Variants in KAT6A observed in about 807,000 individuals in gnomAD.
KAT6A encodes histone acetyltransferase KAT6A.
KAT6A carries 9 observed loss-of-function variants against 198.4 expected under a neutral mutation model. That is an observed-to-expected ratio of 0.05 (90% CI 0.03 to 0.08). KAT6A has a LOEUF of 0.08. KAT6A is among the 10% of genes least tolerant of loss of function. The pLI is 1.00. For synonymous variants in KAT6A, 890 were observed against 883.0 expected, an observed-to-expected ratio of 1.01 and a Z score of -0.14; for missense variants, 2,077 against 2,509.9, an observed-to-expected ratio of 0.83 and a Z score of 3.69.
At chr8:41,949,598 T>C (rs750717234) in intron 9 of KAT6A, among the ~76,000 whole-genome samples, 1 of 152,242 alleles carries the variant, frequency 6.6e-6, no homozygotes, top group South Asian at 2.1e-4. Context: ...TGCTATCAAT[T>C]TGGATAGTTA....
At chr8:41,953,812 G>A (rs1460416286) in intron 9 of KAT6A, among the ~76,000 whole-genome samples, 1 of 152,158 alleles carries the variant, frequency 6.6e-6, no homozygotes, top group Non-Finnish European at 1.5e-5. Flanking sequence ...GAATTCCTGA[G>A]GAATGAGTTA....
At position 41,942,802 on chromosome 8, in the gene KAT6A, T is replaced by C; in HGVS notation, c.2427A>G (p.Leu809=). 1 of 1,614,176 alleles carries C rather than the reference T, an allele frequency of 6.2e-7. No individual in the cohort carries two copies. ...CTATTCATGCCCTTACACTGATCTC[T>C]AATTCTCTTTCCTGGCACTGTGGCT... ...NEEPQCQERE[L]EISVGKSVSH... is the part of the protein sequence containing the mutation. Residue 809 remains leucine, a synonymous_variant, in exon 14 of 17, where the codon TTA becomes TTG. Coordinates refer to ENST00000265713, the MANE Select transcript of KAT6A (RefSeq NM_006766.5).
chr8:42,014,026 T>C (rs1472177179), intron 2 of KAT6A, among the ~76,000 whole-genome samples: 4 of 152,200 alleles, frequency 2.6e-5, no homozygotes, highest in Admixed American at 6.5e-5. Context: ...TGTGCTCCAA[T>C]ACAACTTTAC....
At chr8:41,988,590 T>C (rs560664638) in intron 2 of KAT6A, among the ~76,000 whole-genome samples, 22 of 152,214 alleles carry the variant, frequency 1.4e-4, no homozygotes, top group Non-Finnish European at 3.1e-4. Flanking sequence ...GTTACAATGA[T>C]CTGGTGAAGA....
At chr8:41,992,298 C>T (rs1824986735) in intron 2 of KAT6A, among the ~76,000 whole-genome samples, 1 of 152,054 alleles carries the variant, frequency 6.6e-6, no homozygotes, top group Non-Finnish European at 1.5e-5. Context: ...AGAATAAGAA[C>T]TAAAGTCACA....
chr8:41,998,682 T>C (rs1271601455), intron 2 of KAT6A, among the ~76,000 whole-genome samples: 1 of 152,142 alleles, frequency 6.6e-6, no homozygotes, highest in Non-Finnish European at 1.5e-5. Flanking sequence ...ACTCAGAGCC[T>C]TTCCTCCTAG....
chr8:42,004,717 G>C (rs933174899), intron 2 of KAT6A, among the ~76,000 whole-genome samples: 1 of 152,138 alleles, frequency 6.6e-6, no homozygotes. Context: ...CCTGAGGTCA[G>C]GAGTTTGAGA....
rs773473964 is a variant in KAT6A, at chr8:42,048,452, C to T, written c.526G>A (p.Val176Met). 8.1e-6 allele frequency: 13 copies of T among 1,614,096 alleles called. No homozygotes were observed. The Admixed American group carries it at 1.2e-4, about 14-fold the overall frequency. The part of the protein sequence containing the change: ...LYRLNTKATN[V>M]DGKESCESLS... ...GACTCACAACTCTCTTTCCCATCCACGTTGGTTGCTTTAGTGTTGAGCCGA... is the reference window on the plus strand; with the variant it reads ...GACTCACAACTCTCTTTCCCATCCATGTTGGTTGCTTTAGTGTTGAGCCGA... Residue 176 changes from valine (V) to methionine (M), a missense_variant, in exon 2 of 17, where the codon GTG (valine) becomes ATG (methionine). Around this residue, in one of 13 missense-constraint regions of KAT6A, gnomAD observed 185 missense variants for 185.7 expected, o/e 1.00. Transcript: ENST00000265713.
intron 5 of KAT6A, 67 bp downstream of exon 5, chr8:41,980,779 G>C (rs565484548): frequency 9.5e-7 from 1 of 1,056,244 alleles, no homozygotes; most frequent in South Asian, 1.3e-5. Context: ...TAACAAAGTA[G>C]ATAAAATGTG....
chr8:42,011,793 T>C (rs1826030303), intron 2 of KAT6A, among the ~76,000 whole-genome samples: 2 of 150,386 alleles, frequency 1.3e-5, no homozygotes, highest in Non-Finnish European at 3.0e-5. Flanking sequence ...CAAGGAAATA[T>C]TGAGGCATAC....
chr8:41,985,280 G>A (rs867477346), intron 3 of KAT6A, among the ~76,000 whole-genome samples: 1 of 152,116 alleles, frequency 6.6e-6, no homozygotes, highest in African/African-American at 2.4e-5. Flanking sequence ...TCCATCCAGA[G>A]TTCATTCTGG....
chr8:41,931,551 G>A lies in KAT6A; in HGVS notation c.*654C>T. 1 of 206,034 alleles carries A rather than the reference G, an allele frequency of 4.9e-6. No individual in the cohort carries two copies. The highest frequency in any genetic ancestry group is 9.9e-6 in the Non-Finnish European group (1 of 100,708). 12.8% of individuals were successfully genotyped at this position (206,034 alleles called of 1,614,324 possible). A position where few individuals can be genotyped will look rare whatever the true frequency, so the allele number is the denominator to read the frequency against. ...CCGTCTATAAAGAAACATTCTTGGG[G>A]AAGGGTTTCAAGAGGTGTGTGTGTG... On this transcript the variant is annotated 3_prime_UTR_variant, in exon 17 of 17. Coordinates refer to ENST00000265713, the MANE Select transcript of KAT6A (RefSeq NM_006766.5).
intron 2 of KAT6A, among the ~76,000 whole-genome samples, chr8:42,002,263 CCA>C (rs1305802062): frequency 6.6e-6 from 1 of 152,192 alleles, no homozygotes; most frequent in Non-Finnish European, 1.5e-5. Flanking sequence ...CAGTCTGGCT[CCA>C]GAGCCTGCAT....
intron 1 of KAT6A, among the ~76,000 whole-genome samples, chr8:42,050,309 G>A (rs1004899825): frequency 3.9e-5 from 6 of 152,240 alleles, no homozygotes; most frequent in Admixed American, 2.0e-4. Flanking sequence ...TCTGGTAGAT[G>A]CAATCTTGTT....
rs367897733 is a variant in KAT6A, at chr8:41,934,872, A to T, written c.3353-5T>A. The T allele has an allele frequency of 6.3e-7, 1 of 1,576,426 alleles. No homozygotes were observed. Among genetic ancestry groups the T allele is most frequent in the Non-Finnish European group, 8.6e-7 (1 of 1,165,596 alleles). ...CTGGCTTTAAGATAGGAGTGTCTAT[A>T]CAGGAAGGAAAAAAAACAAAGACAG... On this transcript the variant is annotated splice_region_variant and splice_polypyrimidine_tract_variant and intron_variant, in intron 16 of 16. Transcript: ENST00000265713.
intron 9 of KAT6A, 24 bp from the exon 10 acceptor site, chr8:41,949,387 AAGAC>A (rs955430004): frequency 1.4e-6 from 2 of 1,459,540 alleles, no homozygotes; most frequent in African/African-American, 2.9e-5. Context: ...TTAAACAAAA[AAGAC>A]AGGGCTTTAT....
At position 42,049,244 on chromosome 8, in the gene KAT6A, G is replaced by A. The variant is rs1802474900; in HGVS notation, c.-267C>T. 2 of 407,822 alleles carry A rather than the reference G, an allele frequency of 4.9e-6. No individual in the cohort carries two copies. Among genetic ancestry groups the A allele is most frequent in the Non-Finnish European group, 4.4e-6 (1 of 229,302 alleles). 25.3% of individuals were successfully genotyped at this position (407,822 alleles called of 1,614,324 possible). A position where few individuals can be genotyped will look rare whatever the true frequency, so the allele number is the denominator to read the frequency against. ...CACACATGGGTCTCGTCATAAAGTT[G>A]TAAGAACTCAAGAATATTTCATTCC... On this transcript the variant is annotated 5_prime_UTR_variant, in exon 2 of 17. Transcript: ENST00000265713.
In KAT6A at chr8:41,933,777, G is replaced by T. The variant is rs766027638; in HGVS notation, c.4443C>A (p.Ser1481Arg). ...VEDCHASEHNSPISSVQSHPS... is the reference protein window; with the variant it reads ...VEDCHASEHNRPISSVQSHPS... ...GGTGAGACTGAACGGAGGAGATAGG[G>T]CTATTATGTTCTGACGCATGACAGT... The change falls in exon 17 of 17, where the codon AGC (serine) becomes AGA (arginine). Residue 1481 changes from serine (S) to arginine (R), a missense_variant. Transcript: ENST00000265713. This position sits in a 1 kb window ranked among gnomAD's most constrained non-coding sequence, Gnocchi z 6.2. 4.8e-5 allele frequency: 77 copies of T among 1,613,972 alleles called. No homozygotes were observed. The highest frequency in any genetic ancestry group is 6.1e-5 in the Non-Finnish European group (72 of 1,180,020).
chr8:42,040,470 A>G (rs1174224759), intron 2 of KAT6A, among the ~76,000 whole-genome samples: 1 of 152,190 alleles, frequency 6.6e-6, no homozygotes. Context: ...ATGGTGGCTC[A>G]CACCTGTAAT....
Sources: gnomAD v4.1 joint callset for allele counts (sites outside exome capture counted in the v4.1 genomes callset) on GRCh38, gnomAD v4.1.1 for gene constraint, gnomAD v4.1.1 regional missense constraint, Gnocchi (gnomAD v3.1) non-coding constraint, MANE v1.5 for transcripts, NCBI Gene and HGNC (gene_info 2026-07-23, HGNC 2026-07-21) for gene names.